Variants in ATP10D observed in about 807,000 individuals in gnomAD.
The protein encoded by ATP10D is phospholipid-transporting ATPase VD.
Under a neutral mutation model 144.8 loss-of-function variants are expected in ATP10D, and 89 were observed. That is an observed-to-expected ratio of 0.61 (90% CI 0.52 to 0.73). ATP10D has a LOEUF of 0.73. ATP10D is among the 30% of genes least tolerant of loss of function. ATP10D has a pLI of 0.00. For synonymous variants in ATP10D, 571 were observed against 615.1 expected (o/e 0.93, Z 1.06); for missense variants, 1,603 against 1,714.8 (o/e 0.93, Z 1.15).
intron 5 of ATP10D, among the ~76,000 whole-genome samples, chr4:47,529,253 T>C (rs1232067615): frequency 6.6e-6 from 1 of 152,216 alleles, no homozygotes; most frequent in Non-Finnish European, 1.5e-5. Context: ...GGTTTTCTTC[T>C]AAGATTTTCA....
At chr4:47,501,138 A>G (rs1715661271) in intron 1 of ATP10D, among the ~76,000 whole-genome samples, 1 of 152,168 alleles carries the variant, frequency 6.6e-6, no homozygotes, top group Non-Finnish European at 1.5e-5. Flanking sequence ...GGAAGTGATT[A>G]CAGTATTAAC....
chr4:47,583,725 G>A (rs921149379), intron 21 of ATP10D, among the ~76,000 whole-genome samples: 12 of 152,014 alleles, frequency 7.9e-5, no homozygotes, highest in Admixed American at 2.0e-4. Flanking sequence ...TTGGGTTCAC[G>A]GATTATGAGC....
intron 11 of ATP10D, among the ~76,000 whole-genome samples, chr4:47,555,247 AT>A (rs1189500622): frequency 6.6e-6 from 1 of 152,230 alleles, no homozygotes; most frequent in Non-Finnish European, 1.5e-5. Flanking sequence ...CGCGAACCCT[AT>A]TATGAACTGC....
At chr4:47,523,864 A>G (rs1161949031) in intron 4 of ATP10D, among the ~76,000 whole-genome samples, 4 of 152,190 alleles carry the variant, frequency 2.6e-5, no homozygotes, top group Non-Finnish European at 4.4e-5. Flanking sequence ...TAGTGTCTAA[A>G]TAGTTTCCCT....
chr4:47,554,493 A>T (rs1180841602), intron 10 of ATP10D, among the ~76,000 whole-genome samples: 3 of 152,228 alleles, frequency 2.0e-5, no homozygotes, highest in Non-Finnish European at 4.4e-5. Context: ...TTAATAGTTA[A>T]GAGAGTCTCC....
rs1478696960 is a variant in ATP10D at position 47,591,022 on chromosome 4, T to G, written c.3942-20T>G. Reference sequence around the variant, plus strand: ...GCATTTGAGATGAATTTAATTCTAATGATGTTCCTTGTCACCTAGGTTTGT... The same window carrying G: ...GCATTTGAGATGAATTTAATTCTAAGGATGTTCCTTGTCACCTAGGTTTGT... On this transcript the variant is annotated intron_variant, in intron 22 of 22. Transcript: ENST00000273859. The G allele has an allele frequency of 6.8e-7, 1 of 1,480,522 alleles. No homozygotes were observed. Among genetic ancestry groups the G allele is most frequent in the South Asian group, 1.3e-5 (1 of 77,558 alleles). 91.7% of individuals were successfully genotyped at this position (1,480,522 alleles called of 1,614,324 possible).
intron 1 of ATP10D, 65 bp from the exon 2 acceptor site, chr4:47,512,439 A>G (rs1367147454): frequency 1.8e-6 from 2 of 1,095,106 alleles, no homozygotes; most frequent in African/African-American, 3.2e-5. Context: ...AAAAAATATT[A>G]AAATTTCACT....
Position 47,535,964 on chromosome 4 carries a change from A to G in ATP10D, c.946A>G (p.Arg316Gly). The G allele has an allele frequency of 6.2e-7, 1 of 1,613,222 alleles. No homozygotes were observed. The highest frequency in any genetic ancestry group is 8.5e-7 in the Non-Finnish European group (1 of 1,179,352). ...ACGGTATAAGCGCAGCAAATTAGAA[A>G]GAAGAGCAAACACAGATGTCCTCTG... is the stretch of plus-strand genomic sequence containing the variant. ...GPRYKRSKLERRANTDVLWCV... is the reference protein window; with the variant it reads ...GPRYKRSKLEGRANTDVLWCV... The change falls in exon 7 of 23, where the codon AGA (arginine) becomes GGA (glycine). Residue 316 changes from arginine (R) to glycine (G), a missense_variant. Transcript: ENST00000273859.
chr4:47,583,919 T>G (rs1374628803), intron 21 of ATP10D, among the ~76,000 whole-genome samples: 2 of 152,184 alleles, frequency 1.3e-5, no homozygotes, highest in Non-Finnish European at 2.9e-5. Flanking sequence ...TGGCTCCATT[T>G]ATTTTCTTTC....
intron 3 of ATP10D, among the ~76,000 whole-genome samples, chr4:47,521,719 T>A (rs185758371): frequency 1.1e-3 from 165 of 152,306 alleles, no homozygotes; most frequent in Admixed American, 0.01. Context: ...CTACCTTTTT[T>A]ATCTTTGCTC....
chr4:47,519,836 C>G (rs1004960242), intron 3 of ATP10D, among the ~76,000 whole-genome samples: 2 of 152,172 alleles, frequency 1.3e-5, no homozygotes, highest in Non-Finnish European at 2.9e-5. Flanking sequence ...TTGACCATAA[C>G]CTCTCTAGAG....
At chr4:47,527,893 A>G (rs1717336690) in intron 5 of ATP10D, among the ~76,000 whole-genome samples, 2 of 152,160 alleles carry the variant, frequency 1.3e-5, no homozygotes, top group African/African-American at 4.8e-5. Flanking sequence ...CTAGACAATT[A>G]CCCAAGAAAA....
intron 1 of ATP10D, chr4:47,491,151 G>A: frequency 1.4e-6 from 1 of 738,228 alleles, no homozygotes; most frequent in Middle Eastern, 3.3e-4. Flanking sequence ...TGCGTTTCAG[G>A]AAGGTATCTC....
chr4:47,579,576 A>G (rs1023421844), intron 19 of ATP10D, among the ~76,000 whole-genome samples: 9 of 152,254 alleles, frequency 5.9e-5, no homozygotes, highest in African/African-American at 1.9e-4. Context: ...GTCCAGGAAA[A>G]GAATTCCTGG....
chr4:47,540,520 C>T (rs971084754), intron 9 of ATP10D, among the ~76,000 whole-genome samples: 2 of 152,072 alleles, frequency 1.3e-5, no homozygotes, highest in African/African-American at 4.8e-5. Flanking sequence ...CTTTAAAAGA[C>T]TTTAAAGAGA....
At chr4:47,513,189 T>A (rs1716455432) in intron 2 of ATP10D, among the ~76,000 whole-genome samples, 1 of 152,172 alleles carries the variant, frequency 6.6e-6, no homozygotes, top group Non-Finnish European at 1.5e-5. Flanking sequence ...ACGCGCATTT[T>A]AATTTCAAAT....
intron 3 of ATP10D, among the ~76,000 whole-genome samples, chr4:47,515,886 G>A (rs982809861): frequency 3.9e-5 from 6 of 152,194 alleles, no homozygotes; most frequent in African/African-American, 1.4e-4. Context: ...CAACCCAGGA[G>A]CCGACAAAGC....
intron 1 of ATP10D, among the ~76,000 whole-genome samples, chr4:47,503,488 A>G (rs1337080576): frequency 2.0e-5 from 3 of 152,266 alleles, no homozygotes; most frequent in African/African-American, 7.2e-5. Context: ...AAAAATGACA[A>G]AACTATTACA....
At chr4:47,548,098 A>C (rs938445556) in intron 10 of ATP10D, among the ~76,000 whole-genome samples, 4 of 151,994 alleles carry the variant, frequency 2.6e-5, no homozygotes. Context: ...TTTTCCATCC[A>C]CCTGAAAGTA....
Sources: gnomAD v4.1 joint callset for allele counts (sites outside exome capture counted in the v4.1 genomes callset) on GRCh38, gnomAD v4.1.1 for gene constraint, MANE v1.5 for transcripts, NCBI Gene and HGNC (gene_info 2026-07-23, HGNC 2026-07-21) for gene names.